Variants in PDGFRL observed in about 807,000 individuals in gnomAD.
PDGFRL encodes the protein platelet derived growth factor receptor like, also known as platelet-derived growth factor receptor-like protein.
Under a neutral mutation model 37.2 loss-of-function variants are expected in PDGFRL, and 46 were observed. The observed-to-expected ratio is 1.24, with a 90% CI of 0.98 to 1.58. The LOEUF is 1.58. Among genes scored for constraint, PDGFRL ranks in the 40% most tolerant of loss-of-function variants. PDGFRL has a pLI of 0.00. For synonymous variants in PDGFRL, 251 were observed against 184.3 expected (o/e 1.36, Z -2.93); for missense variants, 692 against 467.6 (o/e 1.48, Z -4.43).
intron 4 of PDGFRL, among the ~76,000 whole-genome samples, chr8:17,630,018 C>T (rs138135208): frequency 3.3e-5 from 5 of 152,276 alleles, no homozygotes; most frequent in East Asian, 3.9e-4. Flanking sequence ...AGAACCACCC[C>T]GGATGAACAC....
At chr8:17,593,761 C>G (rs2150815891) in intron 2 of PDGFRL, among the ~76,000 whole-genome samples, 1 of 151,974 alleles carries the variant, frequency 6.6e-6, no homozygotes, top group East Asian at 1.9e-4. Flanking sequence ...GGGCATGGTA[C>G]ATGACTGTAA....
rs190454543 is a variant in PDGFRL at position 17,605,791 on chromosome 8, G to T, written c.354-15260G>T. 4.4e-4 allele frequency among the ~76,000 whole-genome samples: 67 copies of T among 152,350 alleles called. No homozygotes were observed. The East Asian group carries it at 0.012, about 28-fold the overall frequency. On this transcript the variant is annotated intron_variant, in intron 2 of 5. Coordinates refer to ENST00000251630, the MANE Select transcript of PDGFRL (RefSeq NM_001372073.1). ...AGGATGTTTTTCTGGTATCTGGTCG[G>T]ATGTTAGCATTTTTTCAGTCAAAAA...
chr8:17,622,965 C>T (rs960775097), intron 3 of PDGFRL, among the ~76,000 whole-genome samples: 10 of 152,242 alleles, frequency 6.6e-5, no homozygotes, highest in African/African-American at 1.9e-4. Flanking sequence ...TAGGCAAGAC[C>T]CCTGTGCACA....
chr8:17,590,256 A>AAAAAAAAAAAAAAAAAAAAAAAAC, intron 2 of PDGFRL, among the ~76,000 whole-genome samples: 1 of 147,132 alleles, frequency 6.8e-6, no homozygotes, highest in African/African-American at 2.5e-5. Flanking sequence ...AAAAAAAAAA[A>AAAAAAAAAAAAAAAAAAAAAAAAC]TTGCAAATCC....
chr8:17,577,148 C>G (rs1032877436), upstream of PDGFRL: 8 of 1,491,932 alleles, frequency 5.4e-6, no homozygotes, highest in African/African-American at 2.8e-5. Context: ...ACCGAATCCT[C>G]CCGCTTCGGC....
intron 5 of PDGFRL, among the ~76,000 whole-genome samples, chr8:17,640,067 A>T (rs1294311955): frequency 6.6e-6 from 1 of 152,140 alleles, no homozygotes; most frequent in Non-Finnish European, 1.5e-5. Context: ...GTTCAGTTCT[A>T]TTGCTAAGAC....
chr8:17,628,369 A>T (rs1585330512), intron 3 of PDGFRL, 118 bp from the exon 4 acceptor site: 1 of 716,192 alleles, frequency 1.4e-6, no homozygotes, highest in African/African-American at 1.8e-5. Context: ...AAAAAAGAAA[A>T]CCCGGCCTTT....
At chr8:17,640,723 C>T (rs6981782) in intron 5 of PDGFRL, among the ~76,000 whole-genome samples, 142,439 of 152,082 alleles carry the variant, frequency 0.94, 67,014 homozygotes, top group Non-Finnish European at 0.98. Flanking sequence ...GTTGTAGTTT[C>T]GTTTATTGCA....
At chr8:17,595,852 C>T (rs1488376722) in intron 2 of PDGFRL, among the ~76,000 whole-genome samples, 3 of 152,198 alleles carry the variant, frequency 2.0e-5, no homozygotes, top group Non-Finnish European at 4.4e-5. Context: ...CACCTCCCAA[C>T]AGCCTGTACA....
chr8:17,602,102 C>T (rs183619436), intron 2 of PDGFRL, among the ~76,000 whole-genome samples: 1 of 152,318 alleles, frequency 6.6e-6, no homozygotes, highest in African/African-American at 2.4e-5. Flanking sequence ...CTTCCCCTTT[C>T]CTCCATGACC....
At chr8:17,618,150 C>T (rs1804564934) in intron 2 of PDGFRL, among the ~76,000 whole-genome samples, 1 of 152,158 alleles carries the variant, frequency 6.6e-6, no homozygotes, top group South Asian at 2.1e-4. Context: ...CCTCGACCTC[C>T]TGGACTCAAG....
At chr8:17,642,548 TGA>T in intron 5 of PDGFRL, 63 bp from the exon 6 acceptor site, 1 of 933,824 alleles carries the variant, frequency 1.1e-6, no homozygotes, top group Non-Finnish European at 1.8e-6. Context: ...CAGTGTTGGG[TGA>T]GTGGGAGCTC....
chr8:17,592,811 G>C (rs1334742234), intron 2 of PDGFRL, among the ~76,000 whole-genome samples: 1 of 152,016 alleles, frequency 6.6e-6, no homozygotes, highest in East Asian at 1.9e-4. Flanking sequence ...CAACATCTTT[G>C]TTTTTCACTG....
chr8:17,610,786 C>G lies in PDGFRL; in HGVS notation c.354-10265C>G, dbSNP rs1478908685. 1.1e-4 allele frequency among the ~76,000 whole-genome samples: 16 copies of G among 152,252 alleles called. No homozygotes were observed. In the East Asian group the frequency reaches 2.5e-3, roughly 24 times the overall value. On this transcript the variant is annotated intron_variant, in intron 2 of 5. Coordinates refer to ENST00000251630, the MANE Select transcript of PDGFRL (RefSeq NM_001372073.1). ...ATTAGCCGGGCCTGGTGGCGCATGCCTATAGTCTCAGGTACTCAGGAGGCT... is the reference window on the plus strand; with the variant it reads ...ATTAGCCGGGCCTGGTGGCGCATGCGTATAGTCTCAGGTACTCAGGAGGCT...
intron 1 of PDGFRL, among the ~76,000 whole-genome samples, chr8:17,584,376 A>G (rs1262155428): frequency 6.6e-6 from 1 of 152,120 alleles, no homozygotes; most frequent in Non-Finnish European, 1.5e-5. Context: ...GCAACAGGAT[A>G]TTTAGATCTG....
intron 3 of PDGFRL, 85 bp from the exon 4 acceptor site, chr8:17,628,402 T>C (rs921899227): frequency 1.0e-6 from 1 of 986,284 alleles, no homozygotes; most frequent in Admixed American, 1.8e-5. Flanking sequence ...GACTCAGTAT[T>C]CAGAGTATGC....
intron 5 of PDGFRL, among the ~76,000 whole-genome samples, chr8:17,641,912 A>G (rs557398212): frequency 1.1e-3 from 5 of 4,746 alleles, no homozygotes; most frequent in South Asian, 0.011. Context: ...CCACATTGCT[A>G]TTTGGTATTT....
chr8:17,576,953 T>C (rs1803595404), upstream of PDGFRL, among the ~76,000 whole-genome samples: 1 of 151,854 alleles, frequency 6.6e-6, no homozygotes, highest in African/African-American at 2.4e-5. Flanking sequence ...ACGCCAAGCG[T>C]TGGAGAAATT....
Position 17,628,531 on chromosome 8 carries a change from G to T in PDGFRL, c.550G>T (p.Val184Phe). ...ACCTTCTCCCAGCTACTTCGATGTTGTCTACTTGAACCCGGACAGACAGGC... is the reference window on the plus strand; with the variant it reads ...ACCTTCTCCCAGCTACTTCGATGTTTTCTACTTGAACCCGGACAGACAGGC... The part of the protein sequence containing the change: ...FVPSPSYFDV[V>F]YLNPDRQAVV... The change falls in exon 4 of 6, where the codon GTC (valine) becomes TTC (phenylalanine). Residue 184 changes from valine (V) to phenylalanine (F), a missense_variant. Transcript: ENST00000251630. The T allele has an allele frequency of 1.9e-6, 3 of 1,614,038 alleles. No individual in the cohort carries two copies. Among genetic ancestry groups the T allele is most frequent in the Non-Finnish European group, 2.5e-6 (3 of 1,179,910 alleles).
Sources: gnomAD v4.1 joint callset for allele counts (sites outside exome capture counted in the v4.1 genomes callset) on GRCh38, gnomAD v4.1.1 for gene constraint, MANE v1.5 for transcripts, NCBI Gene and HGNC (gene_info 2026-07-23, HGNC 2026-07-21) for gene names.